Variants in ST6GALNAC5 observed in about 807,000 individuals in gnomAD.
ST6GALNAC5 encodes ST6 N-acetylgalactosaminide alpha-2,6-sialyltransferase 5, also known as alpha-N-acetylgalactosaminide alpha-2,6-sialyltransferase 5.
In ST6GALNAC5, 27 loss-of-function variants were observed where a neutral mutation model predicts 33.6. The ratio of observed to expected loss-of-function variants is 0.80; its 90% confidence interval spans 0.59 to 1.11. The LOEUF is 1.11. Ranked by LOEUF, ST6GALNAC5 falls within the 50% of genes least tolerant of loss-of-function variation. The pLI is 0.00. For missense variants in ST6GALNAC5, 428 were observed against 454.0 expected, an observed-to-expected ratio of 0.94 and a Z score of 0.52; for synonymous variants, 194 against 171.2, an observed-to-expected ratio of 1.13 and a Z score of -1.04.
chr1:76,880,316 G>T (rs770304670), intron 2 of ST6GALNAC5, among the ~76,000 whole-genome samples: 1 of 152,014 alleles, frequency 6.6e-6, no homozygotes, highest in African/African-American at 2.4e-5. Flanking sequence ...GCATTTTGGG[G>T]TCTAATCATA....
intron 2 of ST6GALNAC5, among the ~76,000 whole-genome samples, chr1:76,931,489 A>C (rs1227065438): frequency 6.6e-6 from 1 of 152,142 alleles, no homozygotes; most frequent in Non-Finnish European, 1.5e-5. Flanking sequence ...AGACATATGC[A>C]TTGAAATTAT....
intron 2 of ST6GALNAC5, among the ~76,000 whole-genome samples, chr1:76,992,178 C>G (rs898045246): frequency 2.6e-5 from 4 of 152,150 alleles, no homozygotes; most frequent in African/African-American, 9.7e-5. Flanking sequence ...CTGCTTGGAA[C>G]TGTATGCCCA....
At chr1:76,935,712 C>T (rs998665500) in intron 2 of ST6GALNAC5, among the ~76,000 whole-genome samples, 2 of 151,878 alleles carry the variant, frequency 1.3e-5, no homozygotes, top group African/African-American at 2.4e-5. Context: ...AGACCTTTGG[C>T]CCTAGCATTT....
intron 2 of ST6GALNAC5, among the ~76,000 whole-genome samples, chr1:76,934,728 G>A (rs1481317939): frequency 6.6e-6 from 1 of 151,884 alleles, no homozygotes; most frequent in East Asian, 1.9e-4. Context: ...TGAATATTTT[G>A]GTAGTTATTA....
intron 2 of ST6GALNAC5, among the ~76,000 whole-genome samples, chr1:76,904,966 A>G (rs112554418): frequency 0.018 from 2,759 of 152,278 alleles, 85 homozygotes; most frequent in African/African-American, 0.062. Context: ...ATGGATGAGT[A>G]CAGGAGAGGA....
chr1:77,050,913 G>A (rs955991843), intron 4 of ST6GALNAC5, among the ~76,000 whole-genome samples: 7 of 152,188 alleles, frequency 4.6e-5, no homozygotes, highest in African/African-American at 1.2e-4. Context: ...TTTCCTCCTG[G>A]CATGTGCCCA....
Position 77,064,068 on chromosome 1 carries a change from G to A in ST6GALNAC5, c.*862G>A, listed in dbSNP as rs551946205. ...AAAATGCTAACAAGAGAAATTTAAAGGTAGTTTTCTTTAGTAATAATTTAT... is the reference window on the plus strand; with the variant it reads ...AAAATGCTAACAAGAGAAATTTAAAAGTAGTTTTCTTTAGTAATAATTTAT... On this transcript the variant is annotated 3_prime_UTR_variant, in exon 5 of 5. Transcript: ENST00000477717. 2.6e-5 allele frequency: 4 copies of A among 152,268 alleles called. No individual in the cohort carries two copies. Among genetic ancestry groups the A allele is most frequent in the Admixed American group, 6.5e-5 (1 of 15,298 alleles). 9.4% of individuals were successfully genotyped at this position (152,268 alleles called of 1,614,324 possible).
intron 2 of ST6GALNAC5, among the ~76,000 whole-genome samples, chr1:76,962,436 C>T (rs754412291): frequency 6.6e-6 from 1 of 152,190 alleles, no homozygotes; most frequent in Non-Finnish European, 1.5e-5. Context: ...ATTCAAAGCT[C>T]AATGACTGTA....
chr1:76,990,651 C>T (rs778780799), intron 2 of ST6GALNAC5, among the ~76,000 whole-genome samples: 52 of 152,128 alleles, frequency 3.4e-4, no homozygotes, highest in Admixed American at 1.1e-3. Context: ...CCTGAATACA[C>T]TCTCCATTCA....
At chr1:76,973,223 AC>A (rs920448952) in intron 2 of ST6GALNAC5, among the ~76,000 whole-genome samples, 1 of 151,970 alleles carries the variant, frequency 6.6e-6, no homozygotes, top group African/African-American at 2.4e-5. Flanking sequence ...GACAAACAGA[AC>A]CAATAAGATA....
intron 2 of ST6GALNAC5, among the ~76,000 whole-genome samples, chr1:76,869,513 C>T (rs777516670): frequency 6.6e-6 from 1 of 152,030 alleles, no homozygotes; most frequent in Non-Finnish European, 1.5e-5. Context: ...TAAATGTATC[C>T]GCCATTATTT....
chr1:76,969,080 A>C (rs1284458467), intron 2 of ST6GALNAC5, among the ~76,000 whole-genome samples: 2 of 152,178 alleles, frequency 1.3e-5, no homozygotes, highest in Non-Finnish European at 2.9e-5. Context: ...GAACAGCTCC[A>C]GTCTGCAGCT....
intron 2 of ST6GALNAC5, among the ~76,000 whole-genome samples, chr1:77,024,059 C>T (rs1651148220): frequency 6.6e-6 from 1 of 152,202 alleles, no homozygotes; most frequent in African/African-American, 2.4e-5. Context: ...CCCCAGGCAG[C>T]AGAGGAAAGG....
intron 2 of ST6GALNAC5, among the ~76,000 whole-genome samples, chr1:76,936,192 C>A (rs879606748): frequency 2.0e-5 from 3 of 151,994 alleles, no homozygotes; most frequent in Non-Finnish European, 4.4e-5. Flanking sequence ...GTTAACTCAC[C>A]GTATTATTTC....
intron 2 of ST6GALNAC5, among the ~76,000 whole-genome samples, chr1:77,025,423 C>T (rs1415798811): frequency 2.0e-5 from 3 of 151,612 alleles, no homozygotes; most frequent in African/African-American, 7.3e-5. Context: ...ATTCCAGATA[C>T]TCTGGAGAAT....
Position 76,895,646 on chromosome 1 carries a change from A to G in ST6GALNAC5, c.261+26904A>G, listed in dbSNP as rs559868481. Among the ~76,000 whole-genome samples the G allele has an allele frequency of 1.4e-3, 213 of 152,256 alleles. 1 individual carries two copies. The highest frequency in any genetic ancestry group is 4.8e-3 in the African/African-American group (199 of 41,562). ...ATTTACTTCAAGAGTTAAGAGTGGC[A>G]GTTTGGGGATAGCACCAGGAGATAT... On this transcript the variant is annotated intron_variant, in intron 2 of 4. Coordinates refer to ENST00000477717, the MANE Select transcript of ST6GALNAC5 (RefSeq NM_030965.3).
At chr1:76,904,017 G>A (rs545596399) in intron 2 of ST6GALNAC5, among the ~76,000 whole-genome samples, 8 of 152,220 alleles carry the variant, frequency 5.3e-5, no homozygotes, top group South Asian at 2.1e-4. Flanking sequence ...ATCCAATTCC[G>A]TGAATTTAGT....
At chr1:76,924,889 G>A (rs909710201) in intron 2 of ST6GALNAC5, among the ~76,000 whole-genome samples, 42 of 152,120 alleles carry the variant, frequency 2.8e-4, no homozygotes, top group African/African-American at 1.0e-3. Flanking sequence ...GGATGGCCTG[G>A]TGTGTTAGTC....
intron 2 of ST6GALNAC5, among the ~76,000 whole-genome samples, chr1:76,880,433 G>C (rs1056357468): frequency 5.3e-5 from 8 of 152,092 alleles, no homozygotes; most frequent in Non-Finnish European, 1.0e-4. Context: ...GCATTCTCTA[G>C]AGAGATAGAA....
Sources: gnomAD v4.1 joint callset for allele counts (sites outside exome capture counted in the v4.1 genomes callset) on GRCh38, gnomAD v4.1.1 for gene constraint, MANE v1.5 for transcripts, NCBI Gene and HGNC (gene_info 2026-07-23, HGNC 2026-07-21) for gene names.